Variants in INPP4B observed in about 807,000 individuals in gnomAD.
INPP4B encodes inositol polyphosphate-4-phosphatase type II B, also known as inositol polyphosphate 4-phosphatase type II.
In INPP4B, 55 loss-of-function variants were observed where a neutral mutation model predicts 122.5. That is an observed-to-expected ratio of 0.45 (90% CI 0.36 to 0.56). The LOEUF (loss-of-function observed/expected upper bound fraction) is 0.56, where lower values mean the gene tolerates loss of function less well. Ranked by LOEUF, INPP4B falls within the 20% of genes least tolerant of loss-of-function variation. The pLI, the probability that INPP4B is intolerant of heterozygous loss-of-function variation, is 0.00. For missense variants in INPP4B, 1,000 were observed against 1,097.7 expected (o/e 0.91, Z 1.26); for synonymous variants, 403 against 388.7 (o/e 1.04, Z -0.43).
At chr4:142,324,839 A>T (rs369309888) in intron 7 of INPP4B, among the ~76,000 whole-genome samples, 1 of 152,128 alleles carries the variant, frequency 6.6e-6, no homozygotes, top group East Asian at 1.9e-4. Context: ...GAGTTCACCA[A>T]GTCTCTTCTG....
intron 2 of INPP4B, among the ~76,000 whole-genome samples, chr4:142,625,514 T>C (rs1451962037): frequency 6.6e-6 from 1 of 152,120 alleles, no homozygotes; most frequent in Non-Finnish European, 1.5e-5. Context: ...CATTCCATGC[T>C]CATGGGTAGG....
rs575228894 is a variant in INPP4B at position 142,628,625 on chromosome 4, C to T, written c.-191+97214G>A. On this transcript the variant is annotated intron_variant, in intron 2 of 25. Coordinates refer to ENST00000262992, the MANE Select transcript of INPP4B (RefSeq NM_001101669.3). ...ACTTGCTACCGCACCATTTCCCTGC[C>T]ATGATTATTCCCATGGATGCGTAGG... Among the ~76,000 whole-genome samples the T allele has an allele frequency of 7.3e-5, 11 of 150,836 alleles. No homozygotes were observed. In the East Asian group the frequency reaches 2.2e-3, roughly 30 times the overall value.
At chr4:142,791,988 G>C (rs531099128) in intron 1 of INPP4B, among the ~76,000 whole-genome samples, 2 of 152,192 alleles carry the variant, frequency 1.3e-5, no homozygotes, top group East Asian at 3.9e-4. Context: ...AACCAAGAGA[G>C]AATTGTTTAA....
chr4:142,393,102 T>G lies in INPP4B; in HGVS notation c.372+9836A>C, dbSNP rs146988748. 3.1e-3 allele frequency among the ~76,000 whole-genome samples: 472 copies of G among 152,212 alleles called. 3 individuals carry two copies. Among genetic ancestry groups the G allele is most frequent in the African/African-American group, 0.01 (426 of 41,548 alleles). On this transcript the variant is annotated intron_variant, in intron 7 of 25. Transcript: ENST00000262992. ...CTGGAATGACAAGAGCTGAAAGAAA[T>G]GTAAGACCCTGAAGACATTTAACTT...
At chr4:142,715,620 G>C (rs1470331810) in intron 2 of INPP4B, among the ~76,000 whole-genome samples, 2 of 152,158 alleles carry the variant, frequency 1.3e-5, no homozygotes, top group African/African-American at 4.8e-5. Context: ...GGTGAAAGTG[G>C]AATGGCAGTA....
chr4:142,331,551 G>A (rs1422537819), intron 7 of INPP4B, among the ~76,000 whole-genome samples: 1 of 152,142 alleles, frequency 6.6e-6, no homozygotes, highest in African/African-American at 2.4e-5. Context: ...TGATAAAACC[G>A]TGTCTCTGAA....
chr4:142,626,280 T>C (rs1203380616), intron 2 of INPP4B, among the ~76,000 whole-genome samples: 1 of 151,994 alleles, frequency 6.6e-6, no homozygotes, highest in African/African-American at 2.4e-5. Flanking sequence ...TAATAATCAG[T>C]TGAGTTTATT....
At chr4:142,409,816 T>C (rs1186090288) in intron 5 of INPP4B, among the ~76,000 whole-genome samples, 1 of 152,184 alleles carries the variant, frequency 6.6e-6, no homozygotes, top group Non-Finnish European at 1.5e-5. Flanking sequence ...TTCTGAGGAA[T>C]AGAAATTGCC....
At chr4:142,691,802 C>G (rs910355733) in intron 2 of INPP4B, among the ~76,000 whole-genome samples, 1 of 152,028 alleles carries the variant, frequency 6.6e-6, no homozygotes. Flanking sequence ...AACTCTGCAT[C>G]AAAAACGTGG....
chr4:142,826,345 A>G (rs1282059862), intron 1 of INPP4B, among the ~76,000 whole-genome samples: 1 of 152,148 alleles, frequency 6.6e-6, no homozygotes, highest in African/African-American at 2.4e-5. Flanking sequence ...ACAAGAATCA[A>G]TAGCATTGGC....
chr4:142,506,762 GA>G (rs1824081773), intron 2 of INPP4B, among the ~76,000 whole-genome samples: 1 of 152,122 alleles, frequency 6.6e-6, no homozygotes, highest in South Asian at 2.1e-4. Context: ...TGAAAGTTAT[GA>G]TATATGATTA....
chr4:142,221,118 G>A (rs1849165013), intron 12 of INPP4B, among the ~76,000 whole-genome samples: 6 of 152,030 alleles, frequency 3.9e-5, no homozygotes, highest in Admixed American at 2.0e-4. Context: ...AACACAATCC[G>A]GCTGGGCACG....
At chr4:142,703,938 T>C (rs566737989) in intron 2 of INPP4B, among the ~76,000 whole-genome samples, 1 of 152,308 alleles carries the variant, frequency 6.6e-6, no homozygotes, top group East Asian at 1.9e-4. Context: ...GGAGATGGTG[T>C]ATCCAAAATC....
chr4:142,540,901 C>A (rs1828868099), intron 2 of INPP4B, among the ~76,000 whole-genome samples: 1 of 152,138 alleles, frequency 6.6e-6, no homozygotes, highest in African/African-American at 2.4e-5. Context: ...GATGTTCTGG[C>A]CACAAACAAA....
chr4:142,687,559 C>CA (rs3080815), intron 2 of INPP4B, among the ~76,000 whole-genome samples: 5,311 of 100,252 alleles, frequency 0.053, 131 homozygotes, highest in African/African-American at 0.083. Flanking sequence ...ATCCTTCCTC[C>CA]AAAAAAAAAA....
At chr4:142,299,221 C>T (rs1049893495) in intron 9 of INPP4B, among the ~76,000 whole-genome samples, 2 of 148,630 alleles carry the variant, frequency 1.3e-5, no homozygotes, top group Admixed American at 6.8e-5. Context: ...TATAGTAGTA[C>T]GATCATGGCT....
intron 2 of INPP4B, among the ~76,000 whole-genome samples, chr4:142,650,933 A>C (rs1257185191): frequency 6.6e-6 from 1 of 152,184 alleles, no homozygotes; most frequent in African/African-American, 2.4e-5. Flanking sequence ...TCTCAGCACC[A>C]CATCACACTT....
At position 142,601,502 on chromosome 4, in the gene INPP4B, A is replaced by G. The variant is rs146140719; in HGVS notation, c.-191+124337T>C. ...ATGAAAATCAAAAAAATTATTAAAT[A>G]AAAATGGAAACATGACATACCAATA... is the stretch of plus-strand genomic sequence containing the variant. On this transcript the variant is annotated intron_variant, in intron 2 of 25. Transcript: ENST00000262992. Among the ~76,000 whole-genome samples, 556 of 152,026 alleles carry G rather than the reference A, an allele frequency of 3.7e-3. 6 individuals are homozygous for G. The highest frequency in any genetic ancestry group is 0.013 in the African/African-American group (521 of 41,518).
At chr4:142,189,453 C>T (rs1028992312) in intron 15 of INPP4B, among the ~76,000 whole-genome samples, 18 of 151,962 alleles carry the variant, frequency 1.2e-4, no homozygotes, top group Admixed American at 4.6e-4. Context: ...ATTACAGAAA[C>T]GGCATACAAG....
Sources: allele counts gnomAD v4.1 joint callset (sites outside exome capture counted in the v4.1 genomes callset), GRCh38; gene constraint gnomAD v4.1.1; transcripts MANE v1.5; gene names NCBI Gene and HGNC (gene_info 2026-07-23, HGNC 2026-07-21).